The following SPATA17 variants were observed in gnomAD, a reference collection of about 807,000 sequenced individuals.
The protein encoded by SPATA17 is spermatogenesis-associated protein 17.
In SPATA17, 53 loss-of-function variants were observed where a neutral mutation model predicts 62.2. The observed-to-expected ratio is 0.85, with a 90% CI of 0.68 to 1.07. SPATA17 has a LOEUF of 1.07. Ranked by LOEUF, SPATA17 falls within the 50% of genes least tolerant of loss-of-function variation. The probability of loss-of-function intolerance (pLI) is 0.00; values close to 1 mark genes in which losing one functional copy is unlikely to be tolerated. For synonymous variants in SPATA17, 146 were observed against 146.8 expected, an observed-to-expected ratio of 0.99 and a Z score of 0.04; for missense variants, 466 against 425.5, an observed-to-expected ratio of 1.10 and a Z score of -0.84.
chr1:217,767,643 A>G (rs1297035523), intron 6 of SPATA17, among the ~76,000 whole-genome samples: 2 of 152,102 alleles, frequency 1.3e-5, no homozygotes, highest in African/African-American at 4.8e-5. Context: ...ACCATGTCCA[A>G]TCTACTAATA....
At chr1:217,814,741 G>C (rs1674671622) in intron 9 of SPATA17, among the ~76,000 whole-genome samples, 1 of 152,030 alleles carries the variant, frequency 6.6e-6, no homozygotes. Flanking sequence ...CCAGCTACTT[G>C]AGAGGCTGAT....
intron 6 of SPATA17, among the ~76,000 whole-genome samples, chr1:217,762,126 C>A (rs1482389678): frequency 1.3e-5 from 2 of 152,148 alleles, no homozygotes; most frequent in African/African-American, 2.4e-5. Flanking sequence ...CCACTCATTT[C>A]TTTAATGTGC....
At chr1:217,844,857 T>C (rs760365147) in intron 9 of SPATA17, among the ~76,000 whole-genome samples, 8 of 152,134 alleles carry the variant, frequency 5.3e-5, no homozygotes, top group Admixed American at 1.3e-4. Flanking sequence ...ACAAATTAAA[T>C]ATCTGAGATC....
intron 10 of SPATA17, among the ~76,000 whole-genome samples, chr1:217,864,791 C>T (rs983068874): frequency 6.6e-6 from 1 of 151,944 alleles, no homozygotes; most frequent in East Asian, 1.9e-4. Context: ...TGACTTTATT[C>T]TATTTAATCA....
intron 1 of SPATA17, among the ~76,000 whole-genome samples, chr1:217,646,250 T>A (rs1272339991): frequency 4.6e-5 from 7 of 152,188 alleles, no homozygotes; most frequent in African/African-American, 1.7e-4. Context: ...TGAACATCCC[T>A]AAAGTTTTGT....
chr1:217,866,343 G>T (rs11117958), intron 10 of SPATA17: 7 of 151,986 alleles, frequency 4.6e-5, no homozygotes, highest in African/African-American at 1.7e-4. Flanking sequence ...CCACCTACCT[G>T]TGTGAAGATG....
intron 5 of SPATA17, among the ~76,000 whole-genome samples, chr1:217,734,871 G>A (rs939117388): frequency 1.3e-5 from 2 of 152,112 alleles, no homozygotes; most frequent in African/African-American, 4.8e-5. Flanking sequence ...CCAGTCTGAG[G>A]TGGGGTCTGA....
intron 1 of SPATA17, among the ~76,000 whole-genome samples, chr1:217,635,954 G>A (rs536383754): frequency 6.6e-6 from 1 of 151,686 alleles, no homozygotes; most frequent in African/African-American, 2.4e-5. Context: ...CCAACATGGA[G>A]AAACCCCGTC....
intron 9 of SPATA17, among the ~76,000 whole-genome samples, chr1:217,817,111 G>A (rs1674736956): frequency 6.6e-6 from 1 of 152,038 alleles, no homozygotes; most frequent in African/African-American, 2.4e-5. Context: ...TCTGAAGCCT[G>A]TTTAAATACC....
chr1:217,786,750 T>TTTCTTCTTCTTCCTC (rs1446756516), intron 8 of SPATA17, among the ~76,000 whole-genome samples: 59 of 107,550 alleles, frequency 5.5e-4, no homozygotes, highest in African/African-American at 2.0e-3. Context: ...TGATATTCTC[T>TTTCTTCTTCTTCCTC]TTCTTCTTCT....
rs1203063860 is a variant in SPATA17, at chr1:217,703,174, C to CTTTTTTTTTTTTTTTTTTTTT, written c.395+19827_395+19828insTTTTTTTTTTTTTTTTTTTTT. On this transcript the variant is annotated intron_variant, in intron 5 of 10. Transcript: ENST00000366933. ...ACAGGCGTGAGCCATTGCGCTCGGC[C>CTTTTTTTTTTTTTTTTTTTTT]TTTTTTTTTTTTTTGAAATGGAGTC... Among the ~76,000 whole-genome samples the CTTTTTTTTTTTTTTTTTTTTT allele has an allele frequency of 1.1e-4, 12 of 105,508 alleles. 1 individual carries two copies. The highest frequency in any genetic ancestry group is 2.7e-4 in the East Asian group (1 of 3,710). 69.2% of individuals were successfully genotyped at this position (105,508 alleles called of 152,430 possible).
chr1:217,744,935 C>T (rs1005319943), intron 6 of SPATA17, among the ~76,000 whole-genome samples: 1 of 152,174 alleles, frequency 6.6e-6, no homozygotes, highest in African/African-American at 2.4e-5. Flanking sequence ...CGAGGGCATT[C>T]AGTAAATGGT....
chr1:217,652,872 T>C (rs990824936), intron 3 of SPATA17, among the ~76,000 whole-genome samples: 5 of 152,200 alleles, frequency 3.3e-5, no homozygotes, highest in African/African-American at 1.2e-4. Context: ...CTTATGTCCC[T>C]TGTCTTTAAA....
intron 5 of SPATA17, among the ~76,000 whole-genome samples, chr1:217,706,649 C>A (rs1671743682): frequency 6.6e-6 from 1 of 152,170 alleles, no homozygotes; most frequent in Non-Finnish European, 1.5e-5. Flanking sequence ...GTAAATTAAA[C>A]CCCTTTCCTT....
At chr1:217,766,484 T>C (rs1673304539) in intron 6 of SPATA17, among the ~76,000 whole-genome samples, 1 of 151,956 alleles carries the variant, frequency 6.6e-6, no homozygotes, top group Non-Finnish European at 1.5e-5. Context: ...TAATTATCGT[T>C]TCTCCATCCC....
chr1:217,634,398 A>G (rs1669890486), intron 1 of SPATA17, among the ~76,000 whole-genome samples: 1 of 152,126 alleles, frequency 6.6e-6, no homozygotes, highest in Non-Finnish European at 1.5e-5. Flanking sequence ...AGATGAAATC[A>G]TAGAGGGTGG....
At chr1:217,655,553 C>T (rs1316414358) in intron 3 of SPATA17, among the ~76,000 whole-genome samples, 1 of 152,152 alleles carries the variant, frequency 6.6e-6, no homozygotes, top group Non-Finnish European at 1.5e-5. Context: ...AATTACGATT[C>T]TTACCAGAAT....
intron 9 of SPATA17, among the ~76,000 whole-genome samples, chr1:217,820,163 A>T (rs1358451116): frequency 6.6e-6 from 1 of 152,040 alleles, no homozygotes; most frequent in Admixed American, 6.6e-5. Flanking sequence ...AGATGATAAG[A>T]CTGGAGATCT....
At chr1:217,755,350 A>G (rs187813879) in intron 6 of SPATA17, among the ~76,000 whole-genome samples, 1 of 152,186 alleles carries the variant, frequency 6.6e-6, no homozygotes, top group East Asian at 1.9e-4. Flanking sequence ...AGAGACAGTA[A>G]AATAAAAGAT....
Sources: gnomAD v4.1 joint callset for allele counts (sites outside exome capture counted in the v4.1 genomes callset) on GRCh38, gnomAD v4.1.1 for gene constraint, MANE v1.5 for transcripts, NCBI Gene and HGNC (gene_info 2026-07-23, HGNC 2026-07-21) for gene names.